Variants in PAM observed in about 807,000 individuals in gnomAD.
The protein encoded by PAM is peptidyl-glycine alpha-amidating monooxygenase.
PAM carries 72 observed loss-of-function variants against 122.1 expected under a neutral mutation model. The ratio of observed to expected loss-of-function variants is 0.59; its 90% CI spans 0.49 to 0.72. PAM has a LOEUF of 0.72. Among genes scored for constraint, PAM ranks in the 30% least tolerant of loss-of-function variants. The pLI is 0.00. For missense variants in PAM, 1,106 were observed against 1,183.7 expected (o/e 0.93, Z 0.96); for synonymous variants, 389 against 404.4 (o/e 0.96, Z 0.46).
chr5:102,995,438 G>T (rs561839376), intron 16 of PAM, among the ~76,000 whole-genome samples: 2 of 152,152 alleles, frequency 1.3e-5, no homozygotes, highest in East Asian at 3.9e-4. Context: ...ATTCAGTCAG[G>T]TCAATCCTAG....
rs1175477242 is a variant in PAM at position 102,925,034 on chromosome 5, TC to T, written c.438del (p.Gly148ValfsTer48). The T allele has an allele frequency of 1.3e-6, 2 of 1,541,330 alleles. No individual in the cohort carries two copies. Among genetic ancestry groups the T allele is most frequent in the African/African-American group, 1.4e-5 (1 of 73,510 alleles). On this transcript the variant is annotated frameshift_variant, in exon 6 of 26. Coordinates refer to ENST00000438793, the MANE Select transcript of PAM (RefSeq NM_001177306.2). LOFTEE classifies it high-confidence loss of function. ...AWARNAPPTR[L>X]PKGVGFRVGG... is the part of the protein sequence containing the mutation. The stretch of plus-strand genomic sequence containing the variant: ...GCGAGAAATGCTCCCCCTACCCGGC[TC>T]CCCAAAGGTATGTCAGAGCCTCTTG...
At chr5:102,780,475 G>A (rs991749956) in intron 1 of PAM, among the ~76,000 whole-genome samples, 16 of 152,136 alleles carry the variant, frequency 1.1e-4, no homozygotes, top group African/African-American at 2.4e-4. Context: ...GATTTGGGTC[G>A]TAAGCTTAGC....
At chr5:102,782,723 C>CTG (rs1213041689) in intron 1 of PAM, among the ~76,000 whole-genome samples, 29 of 143,696 alleles carry the variant, frequency 2.0e-4, no homozygotes, top group South Asian at 1.2e-3. Context: ...CTCTCTCTCT[C>CTG]TCTGTGTGTG....
chr5:102,962,593 A>G (rs995220905), intron 14 of PAM, among the ~76,000 whole-genome samples: 1 of 151,992 alleles, frequency 6.6e-6, no homozygotes, highest in South Asian at 2.1e-4. Context: ...GTATGTTTCT[A>G]TGGAAACTGC....
At chr5:102,936,403 G>C (rs2151851781) in intron 7 of PAM, among the ~76,000 whole-genome samples, 1 of 152,232 alleles carries the variant, frequency 6.6e-6, no homozygotes, top group East Asian at 1.9e-4. Context: ...AGGATTTGCA[G>C]ACTGTTACCC....
rs540608886 is a variant in PAM, at chr5:102,803,959, C to T, written c.-374+48611C>T. On this transcript the variant is annotated intron_variant, in intron 1 of 25. Coordinates refer to ENST00000438793, the MANE Select transcript of PAM (RefSeq NM_001177306.2). ...ACCGAAAATTCTGAGAGGGAGCTGA[C>T]TTCTGATGATGGGTCTTGAAGAACT... is the stretch of plus-strand genomic sequence containing the variant. 2.8e-4 allele frequency among the ~76,000 whole-genome samples: 43 copies of T among 152,062 alleles called. 1 individual carries two copies. In the South Asian group the frequency reaches 8.5e-3, roughly 30 times the overall value.
chr5:103,026,587 A>ATTG (rs1323998310), intron 24 of PAM, among the ~76,000 whole-genome samples: 2 of 152,190 alleles, frequency 1.3e-5, no homozygotes, highest in East Asian at 3.8e-4. Flanking sequence ...AAACATAGTC[A>ATTG]TTGTCTTCAT....
Position 103,025,165 on chromosome 5 carries a change from C to A in PAM, c.2520C>A (p.Asn840Lys). The A allele has an allele frequency of 1.2e-6, 2 of 1,613,694 alleles. No individual in the cohort carries two copies. The highest frequency in any genetic ancestry group is 2.2e-5 in the South Asian group (2 of 91,072). The change falls in exon 24 of 26, where the codon AAC becomes AAA. Residue 840 changes from asparagine to lysine, a missense_variant. Physicochemically the swap from Asn to Lys is moderately conservative, Grantham distance 94. Transcript: ENST00000438793. ...CAGTTGTTGAAACCAAAATGGAGAACAAACCCACCTCCTCAGAATTGCAGA... is the reference window on the plus strand; with the variant it reads ...CAGTTGTTGAAACCAAAATGGAGAAAAAACCCACCTCCTCAGAATTGCAGA... ...AEAVVETKME[N>K]KPTSSELQKM... is the part of the protein sequence containing the mutation.
In PAM at chr5:102,929,497, CTA is replaced by C. The variant is rs138392128; in HGVS notation, c.526+2831_526+2832del. Among the ~76,000 whole-genome samples the C allele has an allele frequency of 3.1e-4, 47 of 152,222 alleles. 1 individual carries two copies. The East Asian group carries it at 8.9e-3, about 29-fold the overall frequency. On this transcript the variant is annotated intron_variant, in intron 7 of 25. Coordinates refer to ENST00000438793, the MANE Select transcript of PAM (RefSeq NM_001177306.2). ...AAGATTTTATTTCGTGGTTTTAAAA[CTA>C]TTGGTGATATTTTAAAGTATATAAA...
intron 1 of PAM, among the ~76,000 whole-genome samples, chr5:102,818,464 A>G (rs114352218): frequency 9.9e-4 from 151 of 152,234 alleles, no homozygotes; most frequent in African/African-American, 3.3e-3. Context: ...GGTTAAACCT[A>G]TTCTGCCCTT....
At chr5:102,963,497 T>C (rs1384215426) in intron 14 of PAM, among the ~76,000 whole-genome samples, 1 of 152,038 alleles carries the variant, frequency 6.6e-6, no homozygotes, top group Non-Finnish European at 1.5e-5. Flanking sequence ...CTTTATTTGG[T>C]GTTCTGGCCA....
chr5:102,872,073 C>A (rs1787701857), intron 3 of PAM, among the ~76,000 whole-genome samples: 1 of 152,054 alleles, frequency 6.6e-6, no homozygotes. Flanking sequence ...AATCATTTTC[C>A]TCCCTTATTT....
At chr5:102,922,578 A>G (rs1747810457) in intron 5 of PAM, among the ~76,000 whole-genome samples, 1 of 152,216 alleles carries the variant, frequency 6.6e-6, no homozygotes, top group Non-Finnish European at 1.5e-5. Context: ...TTGAGCCAAC[A>G]AATGACATAA....
intron 4 of PAM, among the ~76,000 whole-genome samples, chr5:102,910,888 C>G (rs551261660): frequency 6.6e-6 from 1 of 151,946 alleles, no homozygotes; most frequent in East Asian, 1.9e-4. Context: ...GTTGACATCT[C>G]CTGCATAGTC....
intron 16 of PAM, among the ~76,000 whole-genome samples, chr5:102,992,944 T>C (rs1774584038): frequency 6.6e-6 from 1 of 152,118 alleles, no homozygotes; most frequent in African/African-American, 2.4e-5. Flanking sequence ...TAATTCCTAA[T>C]TAATACTCAG....
intron 1 of PAM, among the ~76,000 whole-genome samples, chr5:102,804,635 GA>G (rs1201012429): frequency 1.3e-5 from 2 of 152,180 alleles, no homozygotes; most frequent in African/African-American, 4.8e-5. Flanking sequence ...ACTGGATTTA[GA>G]AAAAGTGTTC....
At chr5:102,993,017 C>T (rs1235260189) in intron 16 of PAM, among the ~76,000 whole-genome samples, 1 of 152,024 alleles carries the variant, frequency 6.6e-6, no homozygotes, top group Non-Finnish European at 1.5e-5. Context: ...ATTCTTCATT[C>T]CCACCTGGTA....
At chr5:102,817,604 T>C (rs2150277281) in intron 1 of PAM, among the ~76,000 whole-genome samples, 1 of 152,274 alleles carries the variant, frequency 6.6e-6, no homozygotes, top group Non-Finnish European at 1.5e-5. Context: ...ATGGTTCACA[T>C]TATATTTTTA....
rs1199815841 is a variant in PAM, at chr5:102,884,133, A to G, written c.210+16740A>G. Among the ~76,000 whole-genome samples, 7 of 152,012 alleles carry G rather than the reference A, an allele frequency of 4.6e-5. No homozygotes were observed. The East Asian group carries it at 1.4e-3, about 29-fold the overall frequency. On this transcript the variant is annotated intron_variant, in intron 3 of 25. Transcript: ENST00000438793. ...AAGTTATAAAGAGTCACATCAGCCT[A>G]AAAACACTGGTTCCCTTGGCGAGGT...
Sources: allele counts gnomAD v4.1 joint callset (sites outside exome capture counted in the v4.1 genomes callset), GRCh38; gene constraint gnomAD v4.1.1; transcripts MANE v1.5; gene names NCBI Gene and HGNC (gene_info 2026-07-23, HGNC 2026-07-21).